MBNL1: variants seen among roughly 807,000 people sequenced by gnomAD.
The protein encoded by MBNL1 is muscleblind-like protein 1.
MBNL1 carries 8 observed loss-of-function variants against 42.2 expected under a neutral mutation model. The observed-to-expected ratio is 0.19, with a 90% confidence interval of 0.11 to 0.34. MBNL1 has a LOEUF of 0.34. Among genes scored for constraint, MBNL1 ranks in the 10% least tolerant of loss-of-function variants. The pLI is 1.00. For synonymous variants in MBNL1, 169 were observed against 173.9 expected (o/e 0.97, Z 0.22); for missense variants, 309 against 495.3 (o/e 0.62, Z 3.57).
At chr3:152,244,334 A>G (rs1312972566) in exon 2 of MBNL1, 1 of 152,194 alleles carries the variant, frequency 6.6e-6, no homozygotes, top group Non-Finnish European at 1.5e-5. Flanking sequence ...AAAAAAAATA[A>G]TGTAACTAGA....
chr3:152,354,631 C>T (rs1214668300), intron 2 of MBNL1, among the ~76,000 whole-genome samples: 1 of 150,500 alleles, frequency 6.6e-6, no homozygotes, highest in Admixed American at 6.6e-5. Context: ...CTTAATTTTA[C>T]AATTTTTACT....
At chr3:152,456,143 A>G in intron 7 of MBNL1, 124 bp from the exon 8 acceptor site, 1 of 681,720 alleles carries the variant, frequency 1.5e-6, no homozygotes, top group Non-Finnish European at 2.8e-6. Flanking sequence ...GCTGGTGATG[A>G]TGTCCTGTCA....
chr3:152,275,019 AT>A (rs2044130490), intron 1 of MBNL1, among the ~76,000 whole-genome samples: 1 of 152,212 alleles, frequency 6.6e-6, no homozygotes, highest in South Asian at 2.1e-4. Context: ...TTTTCAGCTT[AT>A]TGTATCCAGA....
chr3:152,432,904 G>A lies in MBNL1; in HGVS notation c.533G>A (p.Arg178Gln). Residue 178 changes from arginine to glutamine, a missense_variant, in exon 4 of 10, where the codon CGA (arginine) becomes CAA (glutamine). By Grantham distance (43) the Arg-to-Gln change is conservative. Coordinates refer to ENST00000324210, the MANE Select transcript of MBNL1 (RefSeq NM_021038.5). ...GCAGCTGCTGCACAGAAATTAATGC[G>A]AACAGACAGACTTGAGGTAGGAATG... ...AAAAAAQKLM[R>Q]TDRLEVCREY... The A allele has an allele frequency of 3.1e-6, 5 of 1,612,944 alleles. No homozygotes were observed. Among genetic ancestry groups the A allele is most frequent in the Non-Finnish European group, 4.2e-6 (5 of 1,179,018 alleles).
chr3:152,384,387 G>T (rs2097319994), intron 2 of MBNL1, among the ~76,000 whole-genome samples: 1 of 152,026 alleles, frequency 6.6e-6, no homozygotes, highest in South Asian at 2.1e-4. Context: ...GTTACAGAAA[G>T]ATAATTGAAA....
upstream of MBNL1, chr3:152,263,310 G>A (rs776093650): frequency 1.3e-5 from 2 of 152,148 alleles, no homozygotes; most frequent in Non-Finnish European, 2.9e-5. Context: ...CCCTATCTCT[G>A]GGAACTGGAA....
chr3:152,418,013 A>T (rs1484690113), intron 3 of MBNL1, among the ~76,000 whole-genome samples: 1 of 152,194 alleles, frequency 6.6e-6, no homozygotes, highest in African/African-American at 2.4e-5. Context: ...GAATGCAGGG[A>T]TCTGTAGGAA....
chr3:152,339,058 A>G (rs2092319821), intron 2 of MBNL1, among the ~76,000 whole-genome samples: 1 of 152,150 alleles, frequency 6.6e-6, no homozygotes, highest in South Asian at 2.1e-4. Context: ...CTGTGTTAAT[A>G]TTTAAAACCA....
intron 2 of MBNL1, among the ~76,000 whole-genome samples, chr3:152,386,652 T>C (rs1299781345): frequency 6.6e-6 from 1 of 152,070 alleles, no homozygotes; most frequent in Non-Finnish European, 1.5e-5. Context: ...CGTTGGTGTG[T>C]CAAGATACCT....
At chr3:152,309,093 A>C (rs1055599217) in intron 2 of MBNL1, among the ~76,000 whole-genome samples, 1 of 152,130 alleles carries the variant, frequency 6.6e-6, no homozygotes, top group Admixed American at 6.5e-5. Flanking sequence ...AGTGAAAGAG[A>C]TACTTGAGGA....
intron 1 of MBNL1, among the ~76,000 whole-genome samples, chr3:152,282,844 A>G (rs182199766): frequency 6.6e-6 from 1 of 152,338 alleles, no homozygotes; most frequent in Admixed American, 6.5e-5. Context: ...ATTAAACAAG[A>G]GAAATAGCAT....
intron 3 of MBNL1, among the ~76,000 whole-genome samples, chr3:152,427,687 A>G (rs2098950873): frequency 6.6e-6 from 1 of 152,046 alleles, no homozygotes; most frequent in Admixed American, 6.5e-5. Flanking sequence ...ACATGCTTTC[A>G]TATACCTTGA....
intron 1 of MBNL1, among the ~76,000 whole-genome samples, chr3:152,295,989 C>T (rs1046397476): frequency 9.9e-5 from 15 of 152,184 alleles, no homozygotes; most frequent in African/African-American, 3.6e-4. Flanking sequence ...AAGGCAAGAA[C>T]AAAACATAGT....
intron 2 of MBNL1, among the ~76,000 whole-genome samples, chr3:152,317,794 C>T (rs910596555): frequency 7.9e-5 from 12 of 152,036 alleles, no homozygotes; most frequent in African/African-American, 2.4e-4. Context: ...AGATGTTCAA[C>T]GAGATGTTCA....
chr3:152,421,281 C>T (rs1469292656), intron 3 of MBNL1, among the ~76,000 whole-genome samples: 7 of 152,056 alleles, frequency 4.6e-5, no homozygotes, highest in Non-Finnish European at 8.8e-5. Context: ...TTTTTTCGTA[C>T]CCCAGTGGTG....
In MBNL1 at chr3:152,440,966, C is replaced by T. The variant is rs377057614; in HGVS notation, c.550-4316C>T. Among the ~76,000 whole-genome samples, 148 of 152,182 alleles carry T rather than the reference C, an allele frequency of 9.7e-4. 1 individual carries two copies. The highest frequency in any genetic ancestry group is 3.3e-3 in the African/African-American group (139 of 41,528). On this transcript the variant is annotated intron_variant, in intron 4 of 9. Coordinates refer to ENST00000324210, the MANE Select transcript of MBNL1 (RefSeq NM_021038.5). ...ACATGTAGCTATATGTCTTTGAATA[C>T]GTTTCTTAATATTGGCCATTAACTA...
chr3:152,459,227 C>T, intron 8 of MBNL1, 44 bp from the exon 9 acceptor site: 1 of 1,075,634 alleles, frequency 9.3e-7, no homozygotes, highest in Non-Finnish European at 1.4e-6. Context: ...TAATTGTTGG[C>T]TTGCTTGCAT....
intron 2 of MBNL1, among the ~76,000 whole-genome samples, chr3:152,316,177 A>T (rs931734502): frequency 6.6e-6 from 1 of 152,210 alleles, no homozygotes. Flanking sequence ...CTGGCTTAGC[A>T]TATGAATTTT....
intron 6 of MBNL1, among the ~76,000 whole-genome samples, chr3:152,450,383 A>T (rs1345688860): frequency 1.3e-5 from 2 of 152,158 alleles, no homozygotes; most frequent in Admixed American, 6.6e-5. Flanking sequence ...GAAAAGGTTA[A>T]AATGGATAGC....
Sources: allele counts gnomAD v4.1 joint callset (sites outside exome capture counted in the v4.1 genomes callset), GRCh38; gene constraint gnomAD v4.1.1; transcripts MANE v1.5; gene names NCBI Gene and HGNC (gene_info 2026-07-23, HGNC 2026-07-21).